KLF15: variants seen among roughly 807,000 people sequenced by gnomAD.
KLF15 encodes Krueppel-like factor 15.
Under a neutral mutation model 24.6 loss-of-function variants are expected in KLF15, and 4 were observed. The observed-to-expected ratio is 0.16, with a 90% CI of 0.08 to 0.37. The LOEUF is 0.37. Among genes scored for constraint, KLF15 ranks in the 10% least tolerant of loss-of-function variants. KLF15 has a pLI of 1.00. For synonymous variants in KLF15, 246 were observed against 236.3 expected, an observed-to-expected ratio of 1.04 and a Z score of -0.37; for missense variants, 496 against 560.6, an observed-to-expected ratio of 0.88 and a Z score of 1.16.
chr3:126,356,296 G>T lies in KLF15; in HGVS notation c.-26+941C>A, dbSNP rs1012484850. 6.6e-6 allele frequency among the ~76,000 whole-genome samples: 1 copy of T among 152,156 alleles called. No homozygotes were observed. The highest frequency in any genetic ancestry group is 2.4e-5 in the African/African-American group (1 of 41,438). ...CCCCAGGGGCCACCTGGTCCGGGGGGACAGGGGGAAGGAGATTTGAGGCTC... is the reference window on the plus strand; with the variant it reads ...CCCCAGGGGCCACCTGGTCCGGGGGTACAGGGGGAAGGAGATTTGAGGCTC... On this transcript the variant is annotated intron_variant, in intron 1 of 2. Coordinates refer to ENST00000296233, the MANE Select transcript of KLF15 (RefSeq NM_014079.4). The surrounding 1 kb of genome is among the most constrained non-coding windows in gnomAD (Gnocchi z 4.4).
chr3:126,333,755 C>A, the KLF15 span, among the ~76,000 whole-genome samples: 50,437 of 91,180 alleles, frequency 0.55, 13,232 homozygotes, highest in African/African-American at 0.61. Flanking sequence ...AAACAAAAAA[C>A]GGCAGGGGTT....
downstream of KLF15, among the ~76,000 whole-genome samples, chr3:126,341,861 G>C (rs564732445): frequency 5.9e-5 from 9 of 152,236 alleles, no homozygotes; most frequent in East Asian, 1.5e-3. Context: ...ACATGACTGG[G>C]TGAACCAGGG....
chr3:126,331,810 C>T, the KLF15 span, among the ~76,000 whole-genome samples: 23 of 152,302 alleles, frequency 1.5e-4, no homozygotes, highest in South Asian at 4.1e-4. Flanking sequence ...ACTTGGGAAG[C>T]GCAAGGGGTC....
In KLF15 at chr3:126,356,290, CG is replaced by C. The variant is rs1196779780; in HGVS notation, c.-26+946del. 2.0e-5 allele frequency among the ~76,000 whole-genome samples: 3 copies of C among 152,062 alleles called. No individual in the cohort carries two copies. The highest frequency in any genetic ancestry group is 2.9e-5 in the Non-Finnish European group (2 of 67,998). The stretch of plus-strand genomic sequence containing the variant: ...GGGTCTCCCCAGGGGCCACCTGGTC[CG>C]GGGGGACAGGGGGAAGGAGATTTGA... On this transcript the variant is annotated intron_variant, in intron 1 of 2. Transcript: ENST00000296233. The surrounding 1 kb of genome is among the most constrained non-coding windows in gnomAD (Gnocchi z 4.4).
the KLF15 span, among the ~76,000 whole-genome samples, chr3:126,319,870 AG>A: frequency 6.6e-6 from 1 of 152,154 alleles, no homozygotes; most frequent in African/African-American, 2.4e-5. Flanking sequence ...GGGGAACTGG[AG>A]GAAGAGTAGG....
At chr3:126,355,601 G>C (rs1162174473) in intron 1 of KLF15, among the ~76,000 whole-genome samples, 1 of 152,236 alleles carries the variant, frequency 6.6e-6, no homozygotes. Context: ...AACTATCTTG[G>C]TGATGTGTTT....
the KLF15 span, among the ~76,000 whole-genome samples, chr3:126,296,390 A>G: frequency 1.1e-3 from 175 of 152,220 alleles, 1 homozygote; most frequent in African/African-American, 3.6e-3. Context: ...TGTATTTTTA[A>G]TACAGACGGG....
chr3:126,341,982 T>C (rs1320373918), downstream of KLF15, among the ~76,000 whole-genome samples: 1 of 151,988 alleles, frequency 6.6e-6, no homozygotes, highest in Non-Finnish European at 1.5e-5. Flanking sequence ...CTCCTTGTGC[T>C]TGGGCCCCCA....
the KLF15 span, among the ~76,000 whole-genome samples, chr3:126,323,473 T>TTA: frequency 0.013 from 837 of 64,610 alleles, 28 homozygotes; most frequent in Non-Finnish European, 0.016. Context: ...CATATATATG[T>TTA]TATATATATA....
rs2082633571 is a variant in KLF15 at position 126,356,522 on chromosome 3, C to A, written c.-26+715G>T. Reference sequence around the variant, plus strand: ...GGCCATGGCTTTGGTAATGTTCGGTCTGAGCGGACGGGGACTCAGCGTGGA... The same window carrying A: ...GGCCATGGCTTTGGTAATGTTCGGTATGAGCGGACGGGGACTCAGCGTGGA... On this transcript the variant is annotated intron_variant, in intron 1 of 2. Transcript: ENST00000296233. This position sits in a 1 kb window ranked among gnomAD's most constrained non-coding sequence, Gnocchi z 4.4. Among the ~76,000 whole-genome samples the A allele has an allele frequency of 6.6e-6, 1 of 152,116 alleles. No individual in the cohort carries two copies. The highest frequency in any genetic ancestry group is 2.4e-5 in the African/African-American group (1 of 41,412).
At chr3:126,296,665 A>T in the KLF15 span, among the ~76,000 whole-genome samples, 2 of 152,226 alleles carry the variant, frequency 1.3e-5, no homozygotes, top group African/African-American at 2.4e-5. Flanking sequence ...GTTTGGTTAC[A>T]TTCCCTAAGC....
intron 2 of KLF15, 94 bp downstream of exon 2, chr3:126,351,747 C>G: frequency 9.9e-6 from 6 of 608,154 alleles, no homozygotes; most frequent in South Asian, 1.7e-5. Context: ...CATCTACCTT[C>G]TGTTAATGGT....
At position 126,356,402 on chromosome 3, in the gene KLF15, C is replaced by T. The variant is rs2082632799; in HGVS notation, c.-26+835G>A. Reference sequence around the variant, plus strand: ...TGTGCCCTCCGTGAGAGGGGGGTTCCATGAGTAACACCAAGGCGGGGAGGG... The same window carrying T: ...TGTGCCCTCCGTGAGAGGGGGGTTCTATGAGTAACACCAAGGCGGGGAGGG... On this transcript the variant is annotated intron_variant, in intron 1 of 2. Transcript: ENST00000296233. The surrounding 1 kb of genome is among the most constrained non-coding windows in gnomAD (Gnocchi z 4.4). 6.6e-6 allele frequency among the ~76,000 whole-genome samples: 1 copy of T among 152,150 alleles called. No individual in the cohort carries two copies. Among genetic ancestry groups the T allele is most frequent in the African/African-American group, 2.4e-5 (1 of 41,430 alleles).
At chr3:126,323,416 T>TAAC in the KLF15 span, among the ~76,000 whole-genome samples, 2 of 35,392 alleles carry the variant, frequency 5.7e-5, no homozygotes, top group East Asian at 1.4e-3. Flanking sequence ...TATATATATA[T>TAAC]ATATATATAT....
chr3:126,303,949 G>A, the KLF15 span, among the ~76,000 whole-genome samples: 1 of 122,946 alleles, frequency 8.1e-6, no homozygotes, highest in African/African-American at 3.1e-5. Flanking sequence ...ATCTGCAGAA[G>A]TTTGATTAGG....
In KLF15 at chr3:126,352,580, C is replaced by T. The variant is rs1297461607; in HGVS notation, c.343G>A (p.Val115Met). The T allele has an allele frequency of 6.2e-7, 1 of 1,612,594 alleles. No individual in the cohort carries two copies. Among genetic ancestry groups the T allele is most frequent in the Non-Finnish European group, 8.5e-7 (1 of 1,179,914 alleles). Residue 115 changes from valine (V) to methionine (M), a missense_variant, in exon 2 of 3, where the codon GTG (valine) becomes ATG (methionine). Val to Met is a conservative substitution (Grantham distance 21). Coordinates refer to ENST00000296233, the MANE Select transcript of KLF15 (RefSeq NM_014079.4). ...WGPWRRAAAPVKGEHFCLPEF... is the reference protein window; with the variant it reads ...WGPWRRAAAPMKGEHFCLPEF... Reference sequence around the variant, plus strand: ...GGCAAGCAGAAATGCTCCCCCTTCACAGGGGCCGCTGCCCTTCGCCAGGGC... The same window carrying T: ...GGCAAGCAGAAATGCTCCCCCTTCATAGGGGCCGCTGCCCTTCGCCAGGGC...
At chr3:126,311,081 T>C in the KLF15 span, among the ~76,000 whole-genome samples, 1 of 152,086 alleles carries the variant, frequency 6.6e-6, no homozygotes, top group Non-Finnish European at 1.5e-5. Flanking sequence ...GGGGAGGGTC[T>C]TCCTGAAGGC....
the KLF15 span, among the ~76,000 whole-genome samples, chr3:126,296,913 A>T: frequency 6.6e-6 from 1 of 152,124 alleles, no homozygotes; most frequent in African/African-American, 2.4e-5. Flanking sequence ...TTTCTAGTTG[A>T]TCATTTCTTT....
chr3:126,295,271 C>T, the KLF15 span, among the ~76,000 whole-genome samples: 22 of 152,338 alleles, frequency 1.4e-4, no homozygotes, highest in Middle Eastern at 3.4e-3. Flanking sequence ...CTACAGCCTA[C>T]TGGTCCTTAC....
Sources: gnomAD v4.1 joint callset for allele counts (sites outside exome capture counted in the v4.1 genomes callset) on GRCh38, gnomAD v4.1.1 for gene constraint, Gnocchi (gnomAD v3.1) non-coding constraint, MANE v1.5 for transcripts, NCBI Gene and HGNC (gene_info 2026-07-23, HGNC 2026-07-21) for gene names.